VPS13B: variants seen among roughly 807,000 people sequenced by gnomAD.
The protein encoded by VPS13B is vacuolar protein sorting 13 homolog B.
Under a neutral mutation model 426.4 loss-of-function variants are expected in VPS13B, and 285 were observed. The observed-to-expected ratio is 0.67, with a 90% CI of 0.61 to 0.74. The LOEUF is 0.74. Ranked by LOEUF, VPS13B falls within the 30% of genes least tolerant of loss-of-function variation. The pLI, the probability that VPS13B is intolerant of heterozygous loss-of-function variation, is 0.00. For synonymous variants in VPS13B, 1,676 were observed against 1,676.4 expected, an observed-to-expected ratio of 1.00 and a Z score of 0.01; for missense variants, 4,537 against 4,782.6, an observed-to-expected ratio of 0.95 and a Z score of 1.51.
intron 33 of VPS13B, among the ~76,000 whole-genome samples, chr8:99,627,110 G>A (rs144646129): frequency 3.3e-5 from 5 of 152,142 alleles, no homozygotes; most frequent in Non-Finnish European, 5.9e-5. Flanking sequence ...CCAGGCTAGA[G>A]GGTAGGGGAA....
rs1475020995 is a variant in VPS13B at position 99,139,263 on chromosome 8, T to G, written c.1651+2511T>G. Among the ~76,000 whole-genome samples, 14 of 152,104 alleles carry G rather than the reference T, an allele frequency of 9.2e-5. 1 individual carries two copies. Among genetic ancestry groups the G allele is most frequent in the Non-Finnish European group, 1.5e-5 (1 of 68,016 alleles). On this transcript the variant is annotated intron_variant, in intron 12 of 61. Transcript: ENST00000357162. ...ACTGGAGGAGATTGCTGTTTTGAGA[T>G]TCATGAGAACCACTGTCTTGCTTTT... is the stretch of plus-strand genomic sequence containing the variant.
At chr8:99,113,711 C>G (rs1847500182) in intron 6 of VPS13B, among the ~76,000 whole-genome samples, 1 of 152,032 alleles carries the variant, frequency 6.6e-6, no homozygotes, top group Non-Finnish European at 1.5e-5. Context: ...ATTACAGGCG[C>G]CGGCCACCAG....
At chr8:99,632,943 A>G (rs1485712649) in intron 33 of VPS13B, among the ~76,000 whole-genome samples, 2 of 152,000 alleles carry the variant, frequency 1.3e-5, no homozygotes, top group East Asian at 3.8e-4. Flanking sequence ...AGAATCTAGC[A>G]TTAATTACAC....
chr8:99,165,572 G>C (rs1811955511), intron 15 of VPS13B, among the ~76,000 whole-genome samples: 1 of 152,202 alleles, frequency 6.6e-6, no homozygotes. Context: ...AGAACAAGGA[G>C]TTAGAGTAGG....
intron 35 of VPS13B, among the ~76,000 whole-genome samples, chr8:99,662,392 G>A (rs990427444): frequency 6.6e-6 from 1 of 151,940 alleles, no homozygotes; most frequent in Non-Finnish European, 1.5e-5. Context: ...GCTTCAGAGT[G>A]TTACCCATGG....
chr8:99,679,634 G>A (rs1337091179), intron 35 of VPS13B, among the ~76,000 whole-genome samples: 2 of 152,122 alleles, frequency 1.3e-5, no homozygotes, highest in African/African-American at 4.8e-5. Context: ...TAGCACATAA[G>A]ACAGCATGTA....
chr8:99,418,496 T>C, intron 21 of VPS13B, among the ~76,000 whole-genome samples: 1 of 147,694 alleles, frequency 6.8e-6, no homozygotes, highest in African/African-American at 2.6e-5. Flanking sequence ...TCTTTCTTTC[T>C]TTCTTTCTTT....
intron 17 of VPS13B, chr8:99,234,566 T>A: frequency 6.9e-6 from 3 of 431,678 alleles, no homozygotes; most frequent in Admixed American, 5.7e-5. Flanking sequence ...GCCGCGTGGC[T>A]GGGAGCAGAG....
intron 34 of VPS13B, among the ~76,000 whole-genome samples, chr8:99,643,497 C>T (rs1465212534): frequency 6.6e-6 from 1 of 152,090 alleles, no homozygotes; most frequent in Admixed American, 6.6e-5. Context: ...GAAATAGGAT[C>T]AAAGGAGCTC....
intron 54 of VPS13B, among the ~76,000 whole-genome samples, chr8:99,846,647 C>A (rs1815999043): frequency 6.6e-6 from 1 of 152,170 alleles, no homozygotes; most frequent in Non-Finnish European, 1.5e-5. Context: ...GTGAAAGGGA[C>A]AACAAGCAAA....
intron 17 of VPS13B, chr8:99,233,544 G>A (rs1816471238): frequency 8.9e-7 from 1 of 1,124,526 alleles, no homozygotes; most frequent in Non-Finnish European, 1.4e-6. Flanking sequence ...GGTGATGGGG[G>A]TACAGGCTGG....
chr8:99,696,803 AC>A, intron 35 of VPS13B: 1 of 1,403,262 alleles, frequency 7.1e-7, no homozygotes, highest in Non-Finnish European at 1.0e-6. Context: ...GAATGAGCTG[AC>A]CCTGGACAAC....
chr8:99,029,529 T>C (rs981556058), intron 2 of VPS13B, among the ~76,000 whole-genome samples: 13 of 151,296 alleles, frequency 8.6e-5, no homozygotes, highest in Admixed American at 7.9e-4. Context: ...CCCGGCACCT[T>C]GGGAGGCCGA....
At chr8:99,749,170 C>G (rs1563898146) in intron 39 of VPS13B, among the ~76,000 whole-genome samples, 1 of 151,990 alleles carries the variant, frequency 6.6e-6, no homozygotes, top group African/African-American at 2.4e-5. Context: ...TCATACAATG[C>G]ATAATAATCA....
In VPS13B at chr8:99,258,954, T is replaced by C. The variant is rs548196929; in HGVS notation, c.2516-15244T>C. ...TTTCAGTAAACTCCCTTATTAATTTTTAATGTATATGAACTGAACTTTTCT... is the reference window on the plus strand; with the variant it reads ...TTTCAGTAAACTCCCTTATTAATTTCTAATGTATATGAACTGAACTTTTCT... On this transcript the variant is annotated intron_variant, in intron 17 of 61. Coordinates refer to ENST00000357162, the MANE Select transcript of VPS13B (RefSeq NM_152564.5). Among the ~76,000 whole-genome samples the C allele has an allele frequency of 1.4e-4, 22 of 152,234 alleles. 1 individual carries two copies. Among genetic ancestry groups the C allele is most frequent in the African/African-American group, 5.3e-4 (22 of 41,560 alleles).
intron 25 of VPS13B, among the ~76,000 whole-genome samples, chr8:99,496,359 C>T (rs1820883527): frequency 6.6e-6 from 1 of 152,082 alleles, no homozygotes. Flanking sequence ...CCATTAAAAG[C>T]ACTAACATTA....
At chr8:99,195,392 G>A (rs1813858362) in intron 17 of VPS13B, among the ~76,000 whole-genome samples, 1 of 152,156 alleles carries the variant, frequency 6.6e-6, no homozygotes, top group Admixed American at 6.5e-5. Context: ...TTTGAGAAAT[G>A]TCTGTTCAGG....
chr8:99,536,893 A>G (rs1823272328), intron 30 of VPS13B: 1 of 467,078 alleles, frequency 2.1e-6, no homozygotes, highest in African/African-American at 2.0e-5. Context: ...CTAGGGAAAA[A>G]AAGTAACATG....
chr8:99,400,892 G>A (rs536565321), intron 21 of VPS13B, among the ~76,000 whole-genome samples: 29 of 152,216 alleles, frequency 1.9e-4, no homozygotes, highest in Admixed American at 3.9e-4. Flanking sequence ...GGCTGGTCTC[G>A]AACTCCTGAC....
Sources: gnomAD v4.1 joint callset for allele counts (sites outside exome capture counted in the v4.1 genomes callset) on GRCh38, gnomAD v4.1.1 for gene constraint, MANE v1.5 for transcripts, NCBI Gene and HGNC (gene_info 2026-07-23, HGNC 2026-07-21) for gene names.